Variants in LPP observed in about 807,000 individuals in gnomAD.
The protein encoded by LPP is lipoma-preferred partner.
A neutral mutation model predicts 60.4 loss-of-function variants in LPP; 38 were observed. The observed-to-expected ratio is 0.63, with a 90% CI of 0.49 to 0.83. LPP has a LOEUF of 0.83. Ranked by LOEUF, LPP falls within the 40% of genes least tolerant of loss-of-function variation. The pLI, the probability that LPP is intolerant of heterozygous loss-of-function variation, is 0.00. For synonymous variants in LPP, 328 were observed against 290.8 expected, an observed-to-expected ratio of 1.13 and a Z score of -1.30; for missense variants, 902 against 783.6, an observed-to-expected ratio of 1.15 and a Z score of -1.80.
At chr3:188,482,104 GCT>G (rs1487347326) in intron 4 of LPP, among the ~76,000 whole-genome samples, 1 of 152,138 alleles carries the variant, frequency 6.6e-6, no homozygotes, top group Non-Finnish European at 1.5e-5. Flanking sequence ...CCCCCTTCAT[GCT>G]CTCTCTTTCC....
intron 3 of LPP, among the ~76,000 whole-genome samples, chr3:188,357,867 T>C (rs1768065960): frequency 6.6e-6 from 1 of 152,248 alleles, no homozygotes; most frequent in Non-Finnish European, 1.5e-5. Flanking sequence ...TGCCTCCTTT[T>C]ACTCCTTGCT....
intron 4 of LPP, among the ~76,000 whole-genome samples, chr3:188,470,651 A>G (rs192656798): frequency 3.4e-4 from 52 of 152,250 alleles, no homozygotes; most frequent in African/African-American, 1.3e-3. Context: ...AGGTGGGAAG[A>G]TGCTTTCGTC....
At chr3:188,164,327 TCTTGATAATGATCTCTAGCTG>T (rs1429802600) in intron 1 of LPP, among the ~76,000 whole-genome samples, 1 of 152,202 alleles carries the variant, frequency 6.6e-6, no homozygotes, top group Non-Finnish European at 1.5e-5. Context: ...CAGTGGCCCA[TCTTGATAATGATCTCTAGCTG>T]TAACCGTGGA....
chr3:188,760,553 A>T (rs571768152), intron 9 of LPP, among the ~76,000 whole-genome samples: 1 of 152,286 alleles, frequency 6.6e-6, no homozygotes, highest in South Asian at 2.1e-4. Flanking sequence ...TGCTGGGAAG[A>T]TCATCAGCCT....
intron 9 of LPP, among the ~76,000 whole-genome samples, chr3:188,846,703 AGAG>A (rs1359916057): frequency 7.9e-5 from 11 of 139,436 alleles, no homozygotes; most frequent in Middle Eastern, 3.5e-3. Context: ...AAAAAAAAAA[AGAG>A]AGAGAAAAGA....
chr3:188,775,162 C>A (rs1737345848), intron 9 of LPP, among the ~76,000 whole-genome samples: 1 of 151,478 alleles, frequency 6.6e-6, no homozygotes, highest in African/African-American at 2.4e-5. Context: ...AAGCGATTCT[C>A]CTGCCTCAGC....
intron 4 of LPP, among the ~76,000 whole-genome samples, chr3:188,460,747 G>A (rs947022029): frequency 3.9e-5 from 6 of 152,206 alleles, no homozygotes; most frequent in Non-Finnish European, 8.8e-5. Context: ...ATCTGAAATT[G>A]TGTAATTAGT....
At chr3:188,713,902 C>CT (rs981385285) in intron 8 of LPP, among the ~76,000 whole-genome samples, 1 of 152,048 alleles carries the variant, frequency 6.6e-6, no homozygotes, top group Non-Finnish European at 1.5e-5. Flanking sequence ...TTATCGTTTT[C>CT]TTTTTTTCTT....
chr3:188,865,806 A>G (rs1290252215), intron 9 of LPP, among the ~76,000 whole-genome samples: 1 of 152,192 alleles, frequency 6.6e-6, no homozygotes, highest in East Asian at 1.9e-4. Flanking sequence ...AATATTTACT[A>G]TATGGGACTT....
intron 2 of LPP, among the ~76,000 whole-genome samples, chr3:188,261,646 G>A (rs1318901046): frequency 1.3e-5 from 2 of 152,080 alleles, no homozygotes; most frequent in Non-Finnish European, 2.9e-5. Context: ...GGTGGCTCAT[G>A]CCTGTAATTC....
chr3:188,669,699 A>C (rs1856571002), intron 7 of LPP, among the ~76,000 whole-genome samples: 1 of 152,204 alleles, frequency 6.6e-6, no homozygotes, highest in Non-Finnish European at 1.5e-5. Flanking sequence ...CAGTGTGGCA[A>C]TTCCTCAAGG....
intron 4 of LPP, among the ~76,000 whole-genome samples, chr3:188,462,588 ATGTGTGTGTG>A (rs71169003): frequency 0.078 from 4,503 of 58,060 alleles, 268 homozygotes; most frequent in South Asian, 0.12. Context: ...ATATATATGC[ATGTGTGTGTG>A]TGTGTGTGTG....
At chr3:188,603,541 A>G (rs764824633) in intron 6 of LPP, among the ~76,000 whole-genome samples, 7 of 152,020 alleles carry the variant, frequency 4.6e-5, no homozygotes, top group Non-Finnish European at 7.4e-5. Context: ...GAAAATGAGG[A>G]TTGGTTTCCG....
chr3:188,680,225 T>C (rs184871302), intron 7 of LPP, among the ~76,000 whole-genome samples: 103 of 152,368 alleles, frequency 6.8e-4, no homozygotes, highest in Non-Finnish European at 1.3e-3. Context: ...TGACTTCATA[T>C]GCTCTTACTT....
chr3:188,195,088 G>A (rs1300795126), intron 1 of LPP, among the ~76,000 whole-genome samples: 4 of 152,056 alleles, frequency 2.6e-5, no homozygotes, highest in African/African-American at 4.8e-5. Flanking sequence ...GTGAAACCTC[G>A]TCTCTACTAA....
intron 1 of LPP, among the ~76,000 whole-genome samples, chr3:188,155,308 C>T (rs1173121288): frequency 6.6e-6 from 1 of 152,158 alleles, no homozygotes; most frequent in Non-Finnish European, 1.5e-5. Context: ...GGGGCTTTTG[C>T]TAGTACCAAA....
Position 188,888,757 on chromosome 3 carries a change from T to C in LPP, c.*14278T>C. The C allele has an allele frequency of 4.5e-6, 1 of 220,460 alleles. No homozygotes were observed. The highest frequency in any genetic ancestry group is 9.1e-6 in the Non-Finnish European group (1 of 109,996). 13.7% of individuals were successfully genotyped at this position (220,460 alleles called of 1,614,324 possible). A position where few individuals can be genotyped will look rare whatever the true frequency, so the allele number is the denominator to read the frequency against. ...GCTGAGATAAGGAAACTTTGCCAAA[T>C]GAAAGAAAGTCACTCACTTCCAATA... On this transcript the variant is annotated 3_prime_UTR_variant, in exon 12 of 12. Coordinates refer to ENST00000617246, the MANE Select transcript of LPP (RefSeq NM_001375462.1).
intron 7 of LPP, among the ~76,000 whole-genome samples, chr3:188,633,824 T>G (rs990612326): frequency 6.6e-6 from 1 of 152,226 alleles, no homozygotes; most frequent in Non-Finnish European, 1.5e-5. Flanking sequence ...CTCTTCAATA[T>G]GTTGTATAAT....
At chr3:188,318,493 G>A (rs952527944) in intron 2 of LPP, among the ~76,000 whole-genome samples, 25 of 151,904 alleles carry the variant, frequency 1.6e-4, no homozygotes, top group African/African-American at 6.0e-4. Flanking sequence ...TGGGAATGGA[G>A]TAGAATGTTT....
Sources: gnomAD v4.1 joint callset for allele counts (sites outside exome capture counted in the v4.1 genomes callset) on GRCh38, gnomAD v4.1.1 for gene constraint, MANE v1.5 for transcripts, NCBI Gene and HGNC (gene_info 2026-07-23, HGNC 2026-07-21) for gene names.